PDE11A: variants seen among roughly 807,000 people sequenced by gnomAD.
PDE11A encodes the protein dual 3',5'-cyclic-AMP and -GMP phosphodiesterase 11A.
Under a neutral mutation model 100.5 loss-of-function variants are expected in PDE11A, and 100 were observed. The ratio of observed to expected loss-of-function variants is 1.00; its 90% CI spans 0.85 to 1.18. The LOEUF is 1.18. PDE11A is among the 50% of genes most tolerant of loss of function. The probability of loss-of-function intolerance (pLI) is 0.00; values close to 1 mark genes in which losing one functional copy is unlikely to be tolerated. For synonymous variants in PDE11A, 381 were observed against 420.8 expected, an observed-to-expected ratio of 0.91 and a Z score of 1.16; for missense variants, 1,141 against 1,152.6, an observed-to-expected ratio of 0.99 and a Z score of 0.15.
intron 19 of PDE11A, among the ~76,000 whole-genome samples, chr2:177,644,794 T>C (rs962811257): frequency 6.6e-6 from 1 of 152,162 alleles, no homozygotes; most frequent in Admixed American, 6.5e-5. Context: ...TGGGAGGTGA[T>C]TGAATTATGT....
At chr2:177,771,794 G>A (rs1366593155) in intron 9 of PDE11A, among the ~76,000 whole-genome samples, 1 of 152,104 alleles carries the variant, frequency 6.6e-6, no homozygotes, top group South Asian at 2.1e-4. Flanking sequence ...CCTGAGGTGA[G>A]GAGTTCAATA....
At position 178,071,889 on chromosome 2, in the gene PDE11A, A is replaced by C; in HGVS notation, c.549T>G (p.Pro183=). ...SALLESRVNL[P]RYPPTAIDYK... Reference sequence around the variant, plus strand: ...AGTCGATGGCTGTAGGGGGATACCGAGGCAGATTCACTCTCGATTCCAGCA... The same window carrying C: ...AGTCGATGGCTGTAGGGGGATACCGCGGCAGATTCACTCTCGATTCCAGCA... The change falls in exon 1 of 20, where the codon CCT becomes CCG. Residue 183 remains proline, a synonymous_variant. Coordinates refer to ENST00000286063, the MANE Select transcript of PDE11A (RefSeq NM_016953.4). 6.2e-7 allele frequency: 1 copy of C among 1,613,794 alleles called. No homozygotes were observed. The highest frequency in any genetic ancestry group is 8.5e-7 in the Non-Finnish European group (1 of 1,179,750).
chr2:177,933,495 A>G (rs754687912), intron 2 of PDE11A, among the ~76,000 whole-genome samples: 24 of 152,136 alleles, frequency 1.6e-4, no homozygotes, highest in Non-Finnish European at 3.5e-4. Context: ...AGCTTGATCA[A>G]TATGGTGAAA....
intron 5 of PDE11A, among the ~76,000 whole-genome samples, chr2:177,855,229 T>C (rs991468659): frequency 5.9e-5 from 9 of 152,096 alleles, no homozygotes; most frequent in African/African-American, 2.2e-4. Flanking sequence ...TATCAGTGTG[T>C]AAGTTTGACT....
chr2:177,945,504 G>T (rs528097175), intron 2 of PDE11A, among the ~76,000 whole-genome samples: 1 of 146,618 alleles, frequency 6.8e-6, no homozygotes, highest in South Asian at 2.3e-4. Context: ...GCCTCTGCCC[G>T]GCCGAGACCC....
intron 2 of PDE11A, among the ~76,000 whole-genome samples, chr2:177,982,713 C>T (rs954768265): frequency 6.0e-5 from 9 of 150,708 alleles, no homozygotes; most frequent in Non-Finnish European, 4.5e-5. Context: ...CTTCTAAAAA[C>T]TGCTAGCAAA....
chr2:178,105,721 T>C, intron 1 of PDE11A: 1 of 1,093,756 alleles, frequency 9.1e-7, no homozygotes, highest in Non-Finnish European at 1.2e-6. Context: ...AGGTCTCACC[T>C]GCAGCCTGGC....
intron 19 of PDE11A, among the ~76,000 whole-genome samples, chr2:177,632,511 T>C (rs1367890855): frequency 1.3e-5 from 2 of 152,210 alleles, no homozygotes; most frequent in African/African-American, 4.8e-5. Flanking sequence ...TCTTTGAATG[T>C]AATCTTATGT....
At chr2:177,919,360 G>A (rs6712082) in intron 2 of PDE11A, among the ~76,000 whole-genome samples, 12,891 of 151,886 alleles carry the variant, frequency 0.085, 517 homozygotes, top group South Asian at 0.097. Flanking sequence ...GCCTCCCAAA[G>A]TGTTGGGATT....
At chr2:178,005,124 G>T (rs1230206963) in intron 2 of PDE11A, among the ~76,000 whole-genome samples, 1 of 144,422 alleles carries the variant, frequency 6.9e-6, no homozygotes, top group East Asian at 2.0e-4. Flanking sequence ...TTTACTCCAG[G>T]TGTTCACAGT....
At chr2:177,684,050 C>T (rs2080906800) in intron 15 of PDE11A, among the ~76,000 whole-genome samples, 1 of 152,194 alleles carries the variant, frequency 6.6e-6, no homozygotes, top group African/African-American at 2.4e-5. Flanking sequence ...ATTGGACTAA[C>T]TGGACTAATG....
At chr2:177,728,759 A>G (rs2081640002) in intron 10 of PDE11A, among the ~76,000 whole-genome samples, 1 of 152,182 alleles carries the variant, frequency 6.6e-6, no homozygotes, top group African/African-American at 2.4e-5. Flanking sequence ...GCATAAGCCT[A>G]TGTTTCACTG....
chr2:177,692,518 A>T (rs2081054884), intron 15 of PDE11A, among the ~76,000 whole-genome samples: 1 of 152,216 alleles, frequency 6.6e-6, no homozygotes, highest in South Asian at 2.1e-4. Flanking sequence ...AAGGAAACTG[A>T]GGCAAAGAGA....
intron 5 of PDE11A, among the ~76,000 whole-genome samples, chr2:177,867,757 C>T (rs187792055): frequency 2.3e-4 from 35 of 152,282 alleles, no homozygotes; most frequent in African/African-American, 8.2e-4. Context: ...AATATGATTG[C>T]AGGGTACAAT....
At chr2:178,107,604 T>C (rs1262119257) in intron 1 of PDE11A, among the ~76,000 whole-genome samples, 1 of 151,712 alleles carries the variant, frequency 6.6e-6, no homozygotes, top group African/African-American at 2.4e-5. Context: ...TTTATAGATG[T>C]AGAAAACGAG....
intron 6 of PDE11A, among the ~76,000 whole-genome samples, chr2:177,824,853 G>A (rs2083202600): frequency 1.3e-5 from 2 of 152,124 alleles, no homozygotes; most frequent in South Asian, 2.1e-4. Flanking sequence ...TAGTGTACAT[G>A]CCTATGGGTA....
At chr2:178,001,310 G>A (rs2086142834) in intron 2 of PDE11A, among the ~76,000 whole-genome samples, 1 of 150,142 alleles carries the variant, frequency 6.7e-6, no homozygotes, top group Non-Finnish European at 1.5e-5. Flanking sequence ...GTGTGTGTGT[G>A]TAGTAGGTTT....
chr2:177,899,442 A>G (rs2084665473), intron 3 of PDE11A: 1 of 201,646 alleles, frequency 5.0e-6, no homozygotes, highest in Non-Finnish European at 1.1e-5. Flanking sequence ...ACAAAAAAAC[A>G]AAACCAAAAA....
rs182683052 is a variant in PDE11A, at chr2:177,738,479, C to T, written c.1789-10307G>A. On this transcript the variant is annotated intron_variant, in intron 10 of 19. Coordinates refer to ENST00000286063, the MANE Select transcript of PDE11A (RefSeq NM_016953.4). ...CATTAAGGTTTAGAGACGTAAGATACGAATTCCCCAAAGATGATGCTGCCA... is the reference window on the plus strand; with the variant it reads ...CATTAAGGTTTAGAGACGTAAGATATGAATTCCCCAAAGATGATGCTGCCA... Among the ~76,000 whole-genome samples the T allele has an allele frequency of 2.8e-3, 420 of 152,274 alleles. 2 individuals are homozygous for T. Among genetic ancestry groups the T allele is most frequent in the Non-Finnish European group, 7.5e-4 (51 of 68,024 alleles).
Sources: gnomAD v4.1 joint callset for allele counts (sites outside exome capture counted in the v4.1 genomes callset) on GRCh38, gnomAD v4.1.1 for gene constraint, MANE v1.5 for transcripts, NCBI Gene and HGNC (gene_info 2026-07-23, HGNC 2026-07-21) for gene names.